The following TEC variants were observed in gnomAD, a reference collection of about 807,000 sequenced individuals.
TEC encodes the protein tec protein tyrosine kinase, also known as tyrosine-protein kinase Tec.
A neutral mutation model predicts 93.0 loss-of-function variants in TEC; 72 were observed. That is an observed-to-expected ratio of 0.77 (90% confidence interval 0.64 to 0.94). The LOEUF (loss-of-function observed/expected upper bound fraction) is 0.94. Ranked by LOEUF, TEC falls within the 40% of genes least tolerant of loss-of-function variation. The pLI is 0.00. For missense variants in TEC, 630 were observed against 757.9 expected (o/e 0.83, Z 1.98); for synonymous variants, 249 against 247.7 (o/e 1.01, Z -0.05).
intron 2 of TEC, among the ~76,000 whole-genome samples, chr4:48,196,093 C>A (rs1277748497): frequency 4.6e-5 from 7 of 152,178 alleles, no homozygotes; most frequent in Non-Finnish European, 7.3e-5. Flanking sequence ...ATCAACTTGA[C>A]TGGAAGAAGG....
chr4:48,179,951 G>A (rs1352300252), intron 2 of TEC, among the ~76,000 whole-genome samples: 1 of 152,124 alleles, frequency 6.6e-6, no homozygotes, highest in Non-Finnish European at 1.5e-5. Context: ...CTAGCTCTAG[G>A]AGCAGCAGGC....
intron 2 of TEC, among the ~76,000 whole-genome samples, chr4:48,191,784 A>AT (rs989885866): frequency 4.0e-5 from 6 of 151,774 alleles, no homozygotes; most frequent in African/African-American, 7.3e-5. Context: ...TACAAAAAAA[A>AT]TTTAAAAATT....
intron 2 of TEC, among the ~76,000 whole-genome samples, chr4:48,219,278 T>C (rs1723177352): frequency 6.6e-6 from 1 of 152,196 alleles, no homozygotes; most frequent in Non-Finnish European, 1.5e-5. Context: ...GGTCAAGCGG[T>C]AACGCCAGTG....
chr4:48,170,220 A>G lies in TEC; in HGVS notation c.454+28T>C, dbSNP rs372772307. 8 of 1,542,530 alleles carry G rather than the reference A, an allele frequency of 5.2e-6. No homozygotes were observed. In the Admixed American group the frequency reaches 1.0e-4, roughly 20 times the overall value. On this transcript the variant is annotated intron_variant, in intron 5 of 17. Transcript: ENST00000381501. The stretch of plus-strand genomic sequence containing the variant: ...ATAATACGTTCATTCTAAGCACAAT[A>G]TAATTATGGAATAAAATGAATACTT...
intron 8 of TEC, among the ~76,000 whole-genome samples, chr4:48,160,859 G>GAGGAAGGAAGGAAGGAAGGAAGGA (rs71200935): frequency 3.1e-4 from 34 of 110,890 alleles, no homozygotes; most frequent in South Asian, 1.6e-3. Flanking sequence ...GGGAGGAAGG[G>GAGGAAGGAAGGAAGGAAGGAAGGA]AGGAAGGAAT....
At chr4:48,174,027 T>C (rs1721223720) in intron 3 of TEC, among the ~76,000 whole-genome samples, 1 of 152,260 alleles carries the variant, frequency 6.6e-6, no homozygotes, top group Non-Finnish European at 1.5e-5. Flanking sequence ...CTAGGATCTA[T>C]ACTTTCTTAG....
At chr4:48,163,897 C>A in intron 7 of TEC, 130 bp from the exon 8 acceptor site, 1 of 505,458 alleles carries the variant, frequency 2.0e-6, no homozygotes, top group Non-Finnish European at 3.4e-6. Flanking sequence ...CTAGCTGACC[C>A]CCCAAAATGC....
At chr4:48,180,576 A>G (rs1046188406) in intron 2 of TEC, among the ~76,000 whole-genome samples, 2 of 152,198 alleles carry the variant, frequency 1.3e-5, no homozygotes, top group African/African-American at 4.8e-5. Context: ...TTTAAAGGAT[A>G]AGTATGAGTT....
intron 1 of TEC, among the ~76,000 whole-genome samples, chr4:48,246,600 C>T (rs1379706352): frequency 6.6e-6 from 1 of 152,040 alleles, no homozygotes; most frequent in Non-Finnish European, 1.5e-5. Context: ...ATTAAGGGTC[C>T]AGAAATAAAA....
At chr4:48,153,844 G>T (rs1488698776) in intron 9 of TEC, among the ~76,000 whole-genome samples, 5 of 152,144 alleles carry the variant, frequency 3.3e-5, no homozygotes, top group Admixed American at 3.3e-4. Context: ...CATACACAAG[G>T]GAATTGTAGC....
chr4:48,155,405 A>T (rs1264458475), intron 9 of TEC, among the ~76,000 whole-genome samples: 1 of 152,214 alleles, frequency 6.6e-6, no homozygotes, highest in East Asian at 1.9e-4. Context: ...AGTGTTTAGT[A>T]GGTCTTATGG....
intron 7 of TEC, among the ~76,000 whole-genome samples, chr4:48,164,057 A>T (rs1720782380): frequency 6.6e-6 from 1 of 152,234 alleles, no homozygotes; most frequent in Admixed American, 6.5e-5. Flanking sequence ...CAAAGGTCCT[A>T]AAGTTAGCCA....
chr4:48,217,821 A>G (rs1308893616), intron 2 of TEC, among the ~76,000 whole-genome samples: 1 of 152,202 alleles, frequency 6.6e-6, no homozygotes, highest in African/African-American at 2.4e-5. Flanking sequence ...TCCAGATTCA[A>G]TAATAGTATA....
At chr4:48,191,389 AT>A (rs1377720365) in intron 2 of TEC, among the ~76,000 whole-genome samples, 4 of 152,240 alleles carry the variant, frequency 2.6e-5, no homozygotes, top group African/African-American at 9.6e-5. Flanking sequence ...CAATAAAAAA[AT>A]ATTTAATACA....
At chr4:48,138,226 T>C (rs894850896) in intron 17 of TEC, among the ~76,000 whole-genome samples, 9 of 152,348 alleles carry the variant, frequency 5.9e-5, no homozygotes, top group African/African-American at 2.2e-4. Flanking sequence ...TTACTGTCTT[T>C]CAGAAGTCAT....
At chr4:48,185,791 CCCTCCCCCTCTCCCA>C in intron 2 of TEC, among the ~76,000 whole-genome samples, 22 of 20,848 alleles carry the variant, frequency 1.1e-3, no homozygotes, top group Non-Finnish European at 1.2e-3. Flanking sequence ...CTCTCCCTCC[CCCTCCCCCTCTCCCA>C]TCTCCCTCCC....
intron 8 of TEC, among the ~76,000 whole-genome samples, chr4:48,160,843 G>GAGGGAGGGAGGA (rs1251869762): frequency 0.036 from 2,635 of 74,188 alleles, 126 homozygotes; most frequent in African/African-American, 0.1. Flanking sequence ...GGGAGGGAGA[G>GAGGGAGGGAGGA]AGGGAGGGAG....
At chr4:48,219,868 T>C (rs1386190599) in intron 2 of TEC, among the ~76,000 whole-genome samples, 2 of 152,132 alleles carry the variant, frequency 1.3e-5, no homozygotes, top group African/African-American at 4.8e-5. Flanking sequence ...CTTTGTCTTG[T>C]GCCTTTATTT....
At chr4:48,208,250 A>T (rs2109606924) in intron 2 of TEC, among the ~76,000 whole-genome samples, 1 of 152,304 alleles carries the variant, frequency 6.6e-6, no homozygotes, top group Non-Finnish European at 1.5e-5. Context: ...TGGTGATCAC[A>T]GTCTAATTTC....
Sources: allele counts gnomAD v4.1 joint callset (sites outside exome capture counted in the v4.1 genomes callset), GRCh38; gene constraint gnomAD v4.1.1; transcripts MANE v1.5; gene names NCBI Gene and HGNC (gene_info 2026-07-23, HGNC 2026-07-21).